TMC7: variants seen among roughly 807,000 people sequenced by gnomAD.
The protein encoded by TMC7 is transmembrane channel like 7, also known as transmembrane channel-like protein 7.
A neutral mutation model predicts 82.9 loss-of-function variants in TMC7; 54 were observed. The observed-to-expected ratio is 0.65, with a 90% CI of 0.52 to 0.82. TMC7 has a LOEUF of 0.82. Among genes scored for constraint, TMC7 ranks in the 40% least tolerant of loss-of-function variants. The probability of loss-of-function intolerance (pLI) is 0.00; values close to 1 mark genes in which losing one functional copy is unlikely to be tolerated. For synonymous variants in TMC7, 350 were observed against 337.9 expected (o/e 1.04, Z -0.39); for missense variants, 820 against 901.2 (o/e 0.91, Z 1.15).
rs570870231 is a variant in TMC7, at chr16:19,042,907, C to T, written c.1338-1977C>T. Among the ~76,000 whole-genome samples the T allele has an allele frequency of 7.0e-3, 1,066 of 152,138 alleles. 11 individuals carry two copies. Among genetic ancestry groups the T allele is most frequent in the African/African-American group, 0.024 (1,009 of 41,500 alleles). ...GACTACAGGCCCCCGCCACCATGCC[C>T]GGCTAATTTTTTGTACTTTTAGTAG... On this transcript the variant is annotated intron_variant, in intron 9 of 15. Transcript: ENST00000304381.
chr16:19,060,243 C>T (rs760355260), intron 15 of TMC7, among the ~76,000 whole-genome samples: 6 of 152,186 alleles, frequency 3.9e-5, no homozygotes, highest in East Asian at 1.9e-4. Flanking sequence ...CTCACTCTCT[C>T]GCCCAGGCTG....
intron 13 of TMC7, among the ~76,000 whole-genome samples, chr16:19,055,191 T>C (rs1416580476): frequency 2.0e-5 from 3 of 152,214 alleles, no homozygotes; most frequent in Admixed American, 6.6e-5. Flanking sequence ...AATTAACTTA[T>C]AGACATCATA....
intron 12 of TMC7, among the ~76,000 whole-genome samples, chr16:19,050,516 G>A (rs979028011): frequency 6.6e-6 from 1 of 151,754 alleles, no homozygotes; most frequent in African/African-American, 2.4e-5. Context: ...TTTGAGACGG[G>A]GTCTCACCCA....
intron 14 of TMC7, among the ~76,000 whole-genome samples, chr16:19,058,061 C>T (rs1217762849): frequency 6.6e-6 from 1 of 151,942 alleles, no homozygotes; most frequent in Non-Finnish European, 1.5e-5. Context: ...GCACCAGGCA[C>T]CTTCTACTAC....
intron 12 of TMC7, among the ~76,000 whole-genome samples, chr16:19,047,989 G>T (rs1481129228): frequency 5.3e-5 from 8 of 152,102 alleles, no homozygotes; most frequent in Non-Finnish European, 1.0e-4. Flanking sequence ...GTGAGCCACC[G>T]CACCCGGCCT....
intron 14 of TMC7, among the ~76,000 whole-genome samples, chr16:19,058,084 T>C (rs1274920925): frequency 6.6e-6 from 1 of 152,054 alleles, no homozygotes; most frequent in African/African-American, 2.4e-5. Flanking sequence ...CTGGATTTGA[T>C]TGCTTTTAAT....
At chr16:19,059,524 G>C in intron 15 of TMC7, 30 bp downstream of exon 15, 1 of 1,614,108 alleles carries the variant, frequency 6.2e-7, no homozygotes, top group Non-Finnish European at 8.5e-7. Flanking sequence ...GAGGGTCATG[G>C]CTGGGGACAT....
chr16:19,021,494 T>C, intron 3 of TMC7, 135 bp from the exon 4 acceptor site: 1 of 928,398 alleles, frequency 1.1e-6, no homozygotes, highest in Non-Finnish European at 1.6e-6. Context: ...AGCTAACAAT[T>C]GAGAAAAAAA....
intron 1 of TMC7, among the ~76,000 whole-genome samples, chr16:18,988,180 A>T (rs932795871): frequency 2.9e-5 from 3 of 102,968 alleles, no homozygotes; most frequent in African/African-American, 4.1e-5. Flanking sequence ...TTTTTGATGG[A>T]GTCTTGTTCT....
chr16:18,989,481 G>GT (rs2038910351), intron 1 of TMC7, among the ~76,000 whole-genome samples: 1 of 149,958 alleles, frequency 6.7e-6, no homozygotes, highest in South Asian at 2.1e-4. Context: ...TCTGACCTTT[G>GT]TAACAATCTG....
rs766502697 is a variant in TMC7 at position 19,009,247 on chromosome 16, C to A, written c.143C>A (p.Ser48Tyr). ...NFLQELPSYR[S>Y]IARRRTTVHS... Reference sequence around the variant, plus strand: ...CTCCAAGAATTGCCAAGCTACCGGTCCATTGCACGTAGGAGAACGACTGTC... The same window carrying A: ...CTCCAAGAATTGCCAAGCTACCGGTACATTGCACGTAGGAGAACGACTGTC... The change falls in exon 2 of 16, where the codon TCC becomes TAC. Residue 48 changes from serine to tyrosine, a missense_variant. Physicochemically the swap from Ser to Tyr is moderately radical, Grantham distance 144 (BLOSUM62 -2). Transcript: ENST00000304381. The A allele has an allele frequency of 1.2e-5, 20 of 1,614,180 alleles. No homozygotes were observed. The highest frequency in any genetic ancestry group is 1.6e-5 in the Non-Finnish European group (19 of 1,180,048).
chr16:19,008,673 C>G (rs2039282772), intron 1 of TMC7, among the ~76,000 whole-genome samples: 1 of 152,192 alleles, frequency 6.6e-6, no homozygotes, highest in Non-Finnish European at 1.5e-5. Flanking sequence ...ATGTGTGAAG[C>G]TCTTAACACC....
chr16:18,992,607 TC>T (rs1251111879), intron 1 of TMC7, among the ~76,000 whole-genome samples: 1 of 152,234 alleles, frequency 6.6e-6, no homozygotes, highest in Non-Finnish European at 1.5e-5. Flanking sequence ...TTTAATTAGA[TC>T]CCTTTTGTCA....
At chr16:19,048,515 G>A (rs564334474) in intron 12 of TMC7, among the ~76,000 whole-genome samples, 4 of 152,134 alleles carry the variant, frequency 2.6e-5, no homozygotes, top group African/African-American at 7.2e-5. Flanking sequence ...TCCACCTCCC[G>A]GGTTCAAGTG....
intron 1 of TMC7, among the ~76,000 whole-genome samples, chr16:19,007,280 G>A (rs1193578512): frequency 6.6e-6 from 1 of 152,160 alleles, no homozygotes; most frequent in Non-Finnish European, 1.5e-5. Flanking sequence ...GAACACAGAA[G>A]TGGCTACTGC....
chr16:19,059,641 G>A (rs560841941), intron 15 of TMC7, 147 bp downstream of exon 15: 63 of 1,560,164 alleles, frequency 4.0e-5, no homozygotes, highest in Middle Eastern at 1.8e-4. Flanking sequence ...AGGCCCAGCC[G>A]CGTCCAGCTT....
chr16:19,025,929 T>C (rs1286107204), intron 5 of TMC7, among the ~76,000 whole-genome samples: 1 of 151,748 alleles, frequency 6.6e-6, no homozygotes, highest in Non-Finnish European at 1.5e-5. Flanking sequence ...CTAATTTGTG[T>C]GTGTGTGTAT....
At position 19,062,725 on chromosome 16, in the gene TMC7, A is replaced by G. The variant is rs1002024939; in HGVS notation, c.*882A>G. On this transcript the variant is annotated 3_prime_UTR_variant, in exon 16 of 16. Transcript: ENST00000304381. The stretch of plus-strand genomic sequence containing the variant: ...GCTTACCCAAAATTGATAGATGTCA[A>G]CCTTTTAACAGAAGAACAGAAGTTT... The G allele has an allele frequency of 3.3e-5, 5 of 152,668 alleles. No homozygotes were observed. Among genetic ancestry groups the G allele is most frequent in the African/African-American group, 9.6e-5 (4 of 41,460 alleles). 9.5% of individuals were successfully genotyped at this position (152,668 alleles called of 1,614,324 possible).
At chr16:19,047,521 C>T (rs552236795) in intron 12 of TMC7, among the ~76,000 whole-genome samples, 16 of 150,824 alleles carry the variant, frequency 1.1e-4, no homozygotes, top group South Asian at 1.0e-3. Context: ...CCCAGCCTCC[C>T]GAGTAGCTGG....
Sources: allele counts gnomAD v4.1 joint callset (sites outside exome capture counted in the v4.1 genomes callset), GRCh38; gene constraint gnomAD v4.1.1; transcripts MANE v1.5; gene names NCBI Gene and HGNC (gene_info 2026-07-23, HGNC 2026-07-21).